The following HELLS variants were observed in gnomAD, a reference collection of about 807,000 sequenced individuals.
The protein encoded by HELLS is helicase, lymphoid specific.
In HELLS, 32 loss-of-function variants were observed where a neutral mutation model predicts 120.0. That is an observed-to-expected ratio of 0.27 (90% confidence interval 0.20 to 0.36). The LOEUF (loss-of-function observed/expected upper bound fraction) is 0.36, where lower values mean the gene tolerates loss of function less well. Among genes scored for constraint, HELLS ranks in the 10% least tolerant of loss-of-function variants. The pLI, the probability that HELLS is intolerant of heterozygous loss-of-function variation, is 1.00. For synonymous variants in HELLS, 341 were observed against 323.4 expected, an observed-to-expected ratio of 1.05 and a Z score of -0.58; for missense variants, 650 against 993.4, an observed-to-expected ratio of 0.65 and a Z score of 4.65.
intron 6 of HELLS, among the ~76,000 whole-genome samples, chr10:94,568,931 T>G (rs748079942): frequency 1.3e-5 from 2 of 151,562 alleles, no homozygotes; most frequent in Non-Finnish European, 2.9e-5. Flanking sequence ...AACATCCGCC[T>G]CTCAGGTTCA....
intron 6 of HELLS, among the ~76,000 whole-genome samples, chr10:94,565,526 C>T (rs1268649485): frequency 6.6e-6 from 1 of 152,052 alleles, no homozygotes; most frequent in African/African-American, 2.4e-5. Flanking sequence ...CCCATCTCTA[C>T]TAAAAATACA....
intron 6 of HELLS, among the ~76,000 whole-genome samples, chr10:94,567,053 A>G (rs780754757): frequency 1.2e-4 from 18 of 151,900 alleles, no homozygotes; most frequent in Non-Finnish European, 2.1e-4. Flanking sequence ...AATTCTTTCC[A>G]TTGTTTCATT....
chr10:94,566,795 C>T (rs560732643), intron 6 of HELLS, among the ~76,000 whole-genome samples: 63 of 152,054 alleles, frequency 4.1e-4, no homozygotes, highest in African/African-American at 1.5e-3. Flanking sequence ...CCTGGGACTA[C>T]AGGCACGTGC....
Position 94,546,485 on chromosome 10 carries a change from A to G in HELLS, c.140A>G (p.Lys47Arg). The part of the protein sequence containing the change: ...LEAAGLERER[K>R]MLEKARMSWD... The stretch of plus-strand genomic sequence containing the variant: ...GCTGCTGGACTAGAGAGAGAGCGGA[A>G]GATGCTGGAAAAGGTAATTTAGGCA... Residue 47 changes from lysine (K) to arginine (R), a missense_variant, in exon 2 of 22, where the codon AAG (lysine) becomes AGG (arginine). Physicochemically the swap from Lys to Arg is conservative, Grantham distance 26. Coordinates refer to ENST00000348459, the MANE Select transcript of HELLS (RefSeq NM_018063.5). 1 of 1,614,124 alleles carries G rather than the reference A, an allele frequency of 6.2e-7. No individual in the cohort carries two copies. The highest frequency in any genetic ancestry group is 8.5e-7 in the Non-Finnish European group (1 of 1,180,026).
chr10:94,604,834 C>G (rs142600183), downstream of HELLS, among the ~76,000 whole-genome samples: 238 of 151,924 alleles, frequency 1.6e-3, 1 homozygote, highest in Non-Finnish European at 2.7e-3. Flanking sequence ...TTTTTACCTA[C>G]CAGTAATTTA....
intron 7 of HELLS, among the ~76,000 whole-genome samples, chr10:94,572,675 A>G (rs1844236811): frequency 6.6e-6 from 1 of 152,192 alleles, no homozygotes; most frequent in African/African-American, 2.4e-5. Context: ...ATGTTTTCAT[A>G]CTTTCTGCCT....
chr10:94,571,053 C>G (rs1844127156), intron 6 of HELLS: 1 of 198,070 alleles, frequency 5.0e-6, no homozygotes, highest in Non-Finnish European at 1.0e-5. Flanking sequence ...AGTTGGTCTA[C>G]AGGCTGTAGT....
chr10:94,590,365 AG>A (rs1258687668), intron 13 of HELLS, 47 bp from the exon 14 acceptor site: 3 of 1,507,852 alleles, frequency 2.0e-6, no homozygotes, highest in African/African-American at 2.8e-5. Flanking sequence ...TTAGAACCTA[AG>A]GACATAGCTT....
intron 10 of HELLS, among the ~76,000 whole-genome samples, chr10:94,579,434 C>G (rs958711893): frequency 2.0e-5 from 3 of 151,870 alleles, no homozygotes; most frequent in Non-Finnish European, 4.4e-5. Context: ...ATCTCCTGCC[C>G]TCGTGATCCG....
chr10:94,592,163 G>A (rs535973182), intron 15 of HELLS, 66 bp from the exon 16 acceptor site: 16 of 1,225,660 alleles, frequency 1.3e-5, no homozygotes, highest in African/African-American at 3.1e-5. Flanking sequence ...TTTCCAAATG[G>A]CTTTTGTTTT....
At chr10:94,575,778 TG>T in intron 9 of HELLS, among the ~76,000 whole-genome samples, 1 of 59,280 alleles carries the variant, frequency 1.7e-5, no homozygotes, top group Non-Finnish European at 3.9e-5. Context: ...TGTTTGTGTG[TG>T]TGTGTGTGTG....
chr10:94,553,121 G>C (rs1188565956), intron 2 of HELLS, among the ~76,000 whole-genome samples: 1 of 152,146 alleles, frequency 6.6e-6, no homozygotes, highest in Non-Finnish European at 1.5e-5. Flanking sequence ...GAATTCTCTA[G>C]TGTCACCTAG....
chr10:94,573,934 T>G (rs943412577), intron 7 of HELLS, 26 bp from the exon 8 acceptor site: 1 of 1,366,300 alleles, frequency 7.3e-7, no homozygotes, highest in Non-Finnish European at 1.0e-6. Context: ...GTATAACACA[T>G]CTTATTAAAC....
chr10:94,588,487 A>G (rs1845292837), intron 13 of HELLS, 97 bp downstream of exon 13: 1 of 882,382 alleles, frequency 1.1e-6, no homozygotes, highest in African/African-American at 1.7e-5. Flanking sequence ...TCTGTCACCC[A>G]GGCTGTGGTG....
At chr10:94,548,032 A>G (rs1482860859) in intron 2 of HELLS, among the ~76,000 whole-genome samples, 1 of 152,216 alleles carries the variant, frequency 6.6e-6, no homozygotes, top group Non-Finnish European at 1.5e-5. Flanking sequence ...TTGAATTTTC[A>G]TAGTACTTTA....
rs537607921 is a variant in HELLS, at chr10:94,571,151, A to G, written c.436-237A>G. On this transcript the variant is annotated intron_variant, in intron 6 of 21. Coordinates refer to ENST00000348459, the MANE Select transcript of HELLS (RefSeq NM_018063.5). Reference sequence around the variant, plus strand: ...TAAAAGAAAGAAAAGCTGGAAAATCACTGTATTTGATGAAATATCCCATTG... The same window carrying G: ...TAAAAGAAAGAAAAGCTGGAAAATCGCTGTATTTGATGAAATATCCCATTG... The G allele has an allele frequency of 1.9e-4, 63 of 327,428 alleles. No homozygotes were observed. The Middle Eastern group carries it at 3.5e-3, about 18-fold the overall frequency. 20.3% of individuals were successfully genotyped at this position (327,428 alleles called of 1,614,324 possible).
intron 12 of HELLS, chr10:94,583,871 C>T: frequency 5.0e-6 from 2 of 403,686 alleles, no homozygotes; most frequent in East Asian, 7.1e-5. Flanking sequence ...TTGTCTTGTT[C>T]TACTATAATT....
At chr10:94,602,687 GTCTTT>G (rs1447779407), downstream of HELLS, among the ~76,000 whole-genome samples, 2 of 152,166 alleles carry the variant, frequency 1.3e-5, no homozygotes, top group Non-Finnish European at 2.9e-5. Context: ...ATTGGCACAG[GTCTTT>G]TCTTTTAAAT....
intron 6 of HELLS, among the ~76,000 whole-genome samples, chr10:94,564,513 CT>C (rs771564790): frequency 6.6e-6 from 1 of 152,132 alleles, no homozygotes; most frequent in South Asian, 2.1e-4. Context: ...AAACCAGCTT[CT>C]TTTTTTCATT....
Sources: allele counts gnomAD v4.1 joint callset (sites outside exome capture counted in the v4.1 genomes callset), GRCh38; gene constraint gnomAD v4.1.1; transcripts MANE v1.5; gene names NCBI Gene and HGNC (gene_info 2026-07-23, HGNC 2026-07-21).